RTL1: variants seen among roughly 807,000 people sequenced by gnomAD.
RTL1 encodes retrotransposon Gag like 1, also known as retrotransposon-like protein 1.
For missense variants in RTL1, 1,681 were observed against 1,767.5 expected (o/e 0.95, Z 0.88); for synonymous variants, 727 against 748.4 (o/e 0.97, Z 0.47).
Position 100,880,905 on chromosome 14 carries a change from C to G in RTL1, c.3884G>C (p.Arg1295Pro). 1 of 1,497,874 alleles carries G rather than the reference C, an allele frequency of 6.7e-7. No homozygotes were observed. The highest frequency in any genetic ancestry group is 8.9e-7 in the Non-Finnish European group (1 of 1,125,354). 92.8% of individuals were successfully genotyped at this position (1,497,874 alleles called of 1,614,324 possible). A position where few individuals can be genotyped will look rare whatever the true frequency, so the allele number is the denominator to read the frequency against. ...ATCTGCACTGTGGATGTGGAGCAGG[C>G]GGCTACCAAGGAATTCCAGGACCTG... Reference protein sequence around the residue: ...DPQVLEFLGSRLLHIHSADGQ... With the variant: ...DPQVLEFLGSPLLHIHSADGQ... The change falls in exon 4 of 4, where the codon CGC (arginine) becomes CCC (proline). Residue 1295 changes from arginine (R) to proline (P), a missense_variant. Transcript: ENST00000649591.
At position 100,880,803 on chromosome 14, in the gene RTL1, G is replaced by A. The variant is rs1212702816; in HGVS notation, c.3986C>T (p.Ala1329Val). ...SQFLTLIYRR[A>V]LPIPAWESQP... Reference sequence around the variant, plus strand: ...GCTCTCCCAGGCGGGGATGGGCAGGGCCCGCCTGTAGATCAGGGTCAGGAA... The same window carrying A: ...GCTCTCCCAGGCGGGGATGGGCAGGACCCGCCTGTAGATCAGGGTCAGGAA... The change falls in exon 4 of 4, where the codon GCC (alanine) becomes GTC (valine). Residue 1329 changes from alanine to valine, a missense_variant. Transcript: ENST00000649591. The A allele has an allele frequency of 4.5e-6, 7 of 1,550,432 alleles. No homozygotes were observed. In the African/African-American group the frequency reaches 6.8e-5, roughly 15 times the overall value.
At position 100,884,728 on chromosome 14, in the gene RTL1, T is replaced by C. The variant is rs1469776734; in HGVS notation, c.61A>G (p.Lys21Glu). Residue 21 changes from lysine to glutamate, a missense_variant, in exon 4 of 4, where the codon AAA becomes GAA. By Grantham distance (56) the Lys-to-Glu change is moderately conservative. Coordinates refer to ENST00000649591, the MANE Select transcript of RTL1 (RefSeq NM_001134888.3). ...GAGCCCTCGGAGGACTCCATTTGTT[T>C]TGATGATGGATTCTTATGCTCCATC... Reference protein sequence around the residue: ...TMMEHKNPSSKQMESSEGSSN... With the variant: ...TMMEHKNPSSEQMESSEGSSN... The C allele has an allele frequency of 2.5e-6, 4 of 1,608,746 alleles. 1 individual carries two copies. Among genetic ancestry groups the C allele is most frequent in the African/African-American group, 1.3e-5 (1 of 74,582 alleles).
At chr14:100,891,026 G>A (rs1566758083) in intron 3 of RTL1, among the ~76,000 whole-genome samples, 1 of 152,196 alleles carries the variant, frequency 6.6e-6, no homozygotes, top group South Asian at 2.1e-4. Flanking sequence ...GTCAAGGATG[G>A]CTCACTTGAT....
rs41286560 is a variant in RTL1, at chr14:100,883,117, G to T, written c.1672C>A (p.Pro558Thr). Residue 558 changes from proline to threonine, a missense_variant, in exon 4 of 4, where the codon CCA (proline) becomes ACA (threonine). Transcript: ENST00000649591. The surrounding 1 kb of genome is among the most constrained non-coding windows in gnomAD (Gnocchi z 5.9). ...AACACGTCGGCCAGGTCTGAGTATG[G>T]GTGTGGCAGTCCGGGTAGCAGGCTC... ...GMSLLPGLPH[P>T]YSDLADVFNP... The T allele has an allele frequency of 0.022, 34,701 of 1,612,710 alleles. 447 individuals carry two copies. The highest frequency in any genetic ancestry group is 0.025 in the Non-Finnish European group (29,923 of 1,179,360).
At chr14:100,887,728 C>T (rs764308782) in intron 3 of RTL1, among the ~76,000 whole-genome samples, 12 of 149,994 alleles carry the variant, frequency 8.0e-5, no homozygotes, top group Non-Finnish European at 1.0e-4. Flanking sequence ...CCAGCTTGGG[C>T]AACAGAGGGA....
intron 3 of RTL1, chr14:100,889,855 G>C (rs536139801): frequency 6.6e-6 from 1 of 152,066 alleles, no homozygotes; most frequent in African/African-American, 2.4e-5. Flanking sequence ...GGGGCCTGTC[G>C]GGCCTCCAAA....
chr14:100,887,709 C>T (rs574109838), intron 3 of RTL1, among the ~76,000 whole-genome samples: 64 of 151,758 alleles, frequency 4.2e-4, no homozygotes, highest in Non-Finnish European at 8.8e-4. Flanking sequence ...GAGATTGCGC[C>T]GCTGCACTCC....
chr14:100,894,093 T>A (rs1205937438), intron 2 of RTL1, among the ~76,000 whole-genome samples: 2 of 152,084 alleles, frequency 1.3e-5, no homozygotes, highest in African/African-American at 2.4e-5. Context: ...GCAGAGCATT[T>A]GAGGTCAGGA....
intron 3 of RTL1, among the ~76,000 whole-genome samples, chr14:100,890,304 T>G (rs570425060): frequency 1.3e-5 from 2 of 148,484 alleles, no homozygotes; most frequent in South Asian, 2.2e-4. Context: ...AAGGGTTGGG[T>G]GTGGGGGGGG....
Position 100,881,244 on chromosome 14 carries a change from G to T in RTL1, c.3545C>A (p.Ala1182Asp). 4 of 1,549,174 alleles carry T rather than the reference G, an allele frequency of 2.6e-6. No individual in the cohort carries two copies. Among genetic ancestry groups the T allele is most frequent in the African/African-American group, 1.4e-5 (1 of 73,132 alleles). Residue 1182 changes from alanine (A) to aspartate (D), a missense_variant, in exon 4 of 4, where the codon GCC becomes GAC. Physicochemically the swap from Ala to Asp is moderately radical, Grantham distance 126. Coordinates refer to ENST00000649591, the MANE Select transcript of RTL1 (RefSeq NM_001134888.3). The surrounding 1 kb of genome is among the most constrained non-coding windows in gnomAD (Gnocchi z 6.6). ...AGGGGTGAACTGCAGGCCTCGGTGG[G>T]CCTGGGAGTGCAGAGCATTTCGCTG... Reference protein sequence around the residue: ...RWQRNALHSQAHRGLQFTPGF... With the variant: ...RWQRNALHSQDHRGLQFTPGF...
intron 2 of RTL1, among the ~76,000 whole-genome samples, chr14:100,899,319 G>A (rs1435481533): frequency 6.6e-6 from 1 of 152,232 alleles, no homozygotes; most frequent in African/African-American, 2.4e-5. Flanking sequence ...TTGCCATTAT[G>A]GCTCCTCCTT....
In RTL1 at chr14:100,882,065, GC is replaced by G; in HGVS notation, c.2723del (p.Arg908ProfsTer15). ...GKRACCAFYS[R>X]NISPIEVEYS... ...ACTCAACCTCGATAGGGGAGATGTT[GC>G]GGGAGTAGAAAGCGCAGCAGGCTCT... On this transcript the variant is annotated frameshift_variant, in exon 4 of 4. Coordinates refer to ENST00000649591, the MANE Select transcript of RTL1 (RefSeq NM_001134888.3). LOFTEE classifies it low-confidence loss of function (END_TRUNC). The G allele has an allele frequency of 1.2e-6, 2 of 1,608,284 alleles. No homozygotes were observed. Among genetic ancestry groups the G allele is most frequent in the Non-Finnish European group, 1.7e-6 (2 of 1,177,066 alleles).
chr14:100,898,345 C>T (rs1463465416), intron 2 of RTL1, among the ~76,000 whole-genome samples: 1 of 152,240 alleles, frequency 6.6e-6, no homozygotes, highest in Non-Finnish European at 1.5e-5. Context: ...ACCAACGACA[C>T]TGCAGTGAGC....
rs180802241 is a variant in RTL1 at position 100,897,975 on chromosome 14, G to A, written c.-148-4470C>T. 25 of 515,354 alleles carry A rather than the reference G, an allele frequency of 4.9e-5. No individual in the cohort carries two copies. In the East Asian group the frequency reaches 1.4e-3, roughly 28 times the overall value. 31.9% of individuals were successfully genotyped at this position (515,354 alleles called of 1,614,324 possible). A position where few individuals can be genotyped will look rare whatever the true frequency, so the allele number is the denominator to read the frequency against. ...AAAAGATCATGATTAATCCAGTTCT[G>A]CACAAAACACTGAGGTCCATTAGAA... is the stretch of plus-strand genomic sequence containing the variant. On this transcript the variant is annotated intron_variant, in intron 2 of 3. Transcript: ENST00000649591.
rs1205881333 is a variant in RTL1 at position 100,882,795 on chromosome 14, T to C, written c.1994A>G (p.Lys665Arg). The C allele has an allele frequency of 1.9e-6, 3 of 1,551,734 alleles. No individual in the cohort carries two copies. The highest frequency in any genetic ancestry group is 2.6e-6 in the Non-Finnish European group (3 of 1,147,056). The part of the protein sequence containing the change: ...DQLHGAEWFT[K>R]LELRGTIVEE... ...CACAATGGTCCCACGCAGCTCCAGT[T>C]TTGTGAACCACTCGGCTCCGTGTAA... is the stretch of plus-strand genomic sequence containing the variant. Residue 665 changes from lysine to arginine, a missense_variant, in exon 4 of 4, where the codon AAA becomes AGA. Physicochemically the swap from Lys to Arg is conservative, Grantham distance 26. Transcript: ENST00000649591.
rs1033040960 is a variant in RTL1, at chr14:100,880,902, A to C, written c.3887T>G (p.Leu1296Arg). 7.9e-7 allele frequency: 1 copy of C among 1,270,140 alleles called. No homozygotes were observed. The highest frequency in any genetic ancestry group is 1.0e-6 in the Non-Finnish European group (1 of 984,582). 78.7% of individuals were successfully genotyped at this position (1,270,140 alleles called of 1,614,324 possible). ...GCCATCTGCACTGTGGATGTGGAGC[A>C]GGCGGCTACCAAGGAATTCCAGGAC... Reference protein sequence around the residue: ...PQVLEFLGSRLLHIHSADGQL... With the variant: ...PQVLEFLGSRRLHIHSADGQL... The change falls in exon 4 of 4, where the codon CTG becomes CGG. Residue 1296 changes from leucine (L) to arginine (R), a missense_variant. Physicochemically the swap from Leu to Arg is moderately radical, Grantham distance 102. Coordinates refer to ENST00000649591, the MANE Select transcript of RTL1 (RefSeq NM_001134888.3).
chr14:100,896,065 C>T (rs553736745), intron 2 of RTL1, among the ~76,000 whole-genome samples: 549 of 145,892 alleles, frequency 3.8e-3, no homozygotes, highest in Non-Finnish European at 6.5e-3. Flanking sequence ...AGCAAGACTC[C>T]GTCTCAAAAA....
Position 100,883,123 on chromosome 14 carries a change from G to T in RTL1, c.1666C>A (p.Pro556Thr). ...TCGGCCAGGTCTGAGTATGGGTGTG[G>T]CAGTCCGGGTAGCAGGCTCATGCCG... ...RHGMSLLPGLPHPYSDLADVF... is the reference protein window; with the variant it reads ...RHGMSLLPGLTHPYSDLADVF... Residue 556 changes from proline to threonine, a missense_variant, in exon 4 of 4, where the codon CCA becomes ACA. Transcript: ENST00000649591. The surrounding 1 kb of genome is among the most constrained non-coding windows in gnomAD (Gnocchi z 5.9). 1 of 1,611,956 alleles carries T rather than the reference G, an allele frequency of 6.2e-7. No individual in the cohort carries two copies. The highest frequency in any genetic ancestry group is 2.2e-5 in the East Asian group (1 of 44,862).
At chr14:100,889,250 T>C (rs2038735551) in intron 3 of RTL1, among the ~76,000 whole-genome samples, 1 of 152,208 alleles carries the variant, frequency 6.6e-6, no homozygotes, top group African/African-American at 2.4e-5. Flanking sequence ...CTCACCATTT[T>C]AGCAAGGCAC....
Sources: allele counts gnomAD v4.1 joint callset (sites outside exome capture counted in the v4.1 genomes callset), GRCh38; gene constraint gnomAD v4.1.1; non-coding constraint Gnocchi (gnomAD v3.1); transcripts MANE v1.5; gene names NCBI Gene and HGNC (gene_info 2026-07-23, HGNC 2026-07-21).